The following PHC3 variants were observed in gnomAD, a reference collection of about 807,000 sequenced individuals.
PHC3 encodes the protein polyhomeotic-like protein 3.
Under a neutral mutation model 107.4 loss-of-function variants are expected in PHC3, and 13 were observed. The observed-to-expected ratio is 0.12, with a 90% CI of 0.08 to 0.19. The LOEUF is 0.19. Ranked by LOEUF, PHC3 falls within the 10% of genes least tolerant of loss-of-function variation. PHC3 has a pLI of 1.00. For synonymous variants in PHC3, 456 were observed against 427.4 expected, an observed-to-expected ratio of 1.07 and a Z score of -0.83; for missense variants, 992 against 1,210.9, an observed-to-expected ratio of 0.82 and a Z score of 2.68.
At chr3:170,154,877 C>T (rs1173760574) in intron 4 of PHC3, among the ~76,000 whole-genome samples, 2 of 152,180 alleles carry the variant, frequency 1.3e-5, no homozygotes, top group Admixed American at 6.5e-5. Context: ...ACTGATAAGG[C>T]TCTCCTTTTT....
intron 4 of PHC3, chr3:170,171,120 T>A: frequency 2.0e-6 from 1 of 501,232 alleles, no homozygotes; most frequent in South Asian, 3.4e-5. Flanking sequence ...TGAAACCACA[T>A]AAGATCTGAA....
intron 4 of PHC3, among the ~76,000 whole-genome samples, chr3:170,165,913 G>A (rs1728675028): frequency 6.7e-6 from 1 of 149,534 alleles, no homozygotes; most frequent in Non-Finnish European, 1.5e-5. Flanking sequence ...GGCCGGCCTG[G>A]ACAACACAGT....
chr3:170,125,187 T>C (rs1721048390), intron 8 of PHC3, among the ~76,000 whole-genome samples: 1 of 152,144 alleles, frequency 6.6e-6, no homozygotes, highest in African/African-American at 2.4e-5. Flanking sequence ...AAAGCAGTCA[T>C]TTGTTATTGT....
Position 170,129,483 on chromosome 3 carries a change from G to A in PHC3, c.989C>T (p.Ser330Phe). 6.2e-7 allele frequency: 1 copy of A among 1,613,842 alleles called. No individual in the cohort carries two copies. The highest frequency in any genetic ancestry group is 1.1e-5 in the South Asian group (1 of 91,084). Reference sequence around the variant, plus strand: ...TATCAGCTGATGATGGGAAACTTTGGAAGGTGGTGAATGAAGAGGAATCTG... The same window carrying A: ...TATCAGCTGATGATGGGAAACTTTGAAAGGTGGTGAATGAAGAGGAATCTG... ...HQQIPLHSPP[S>F]KVSHHQLILQ... The change falls in exon 8 of 15, where the codon TCC becomes TTC. Residue 330 changes from serine (S) to phenylalanine (F), a missense_variant. Coordinates refer to ENST00000495893, the MANE Select transcript of PHC3 (RefSeq NM_024947.4).
chr3:170,092,450 A>G lies in PHC3; in HGVS notation c.*4780T>C, dbSNP rs1247345181. 3.9e-5 allele frequency: 6 copies of G among 152,216 alleles called. 1 individual carries two copies. Among genetic ancestry groups the G allele is most frequent in the African/African-American group, 1.2e-4 (5 of 41,448 alleles). 9.4% of individuals were successfully genotyped at this position (152,216 alleles called of 1,614,324 possible). A position where few individuals can be genotyped will look rare whatever the true frequency, so the allele number is the denominator to read the frequency against. ...AATGCTCCAAGTAGATTTGTAAAATACCAATATTGATGAATGTGGGTAAAC... is the reference window on the plus strand; with the variant it reads ...AATGCTCCAAGTAGATTTGTAAAATGCCAATATTGATGAATGTGGGTAAAC... On this transcript the variant is annotated 3_prime_UTR_variant, in exon 15 of 15. Coordinates refer to ENST00000495893, the MANE Select transcript of PHC3 (RefSeq NM_024947.4).
At chr3:170,171,328 T>C in intron 4 of PHC3, 45 bp downstream of exon 4, 2 of 1,356,120 alleles carry the variant, frequency 1.5e-6, no homozygotes, top group South Asian at 2.7e-5. Flanking sequence ...GGAAAACAAT[T>C]CTTTAAAATT....
At chr3:170,157,058 A>C (rs1007233303) in intron 4 of PHC3, among the ~76,000 whole-genome samples, 1 of 152,254 alleles carries the variant, frequency 6.6e-6, no homozygotes, top group Admixed American at 6.5e-5. Flanking sequence ...CCTAGAAAGA[A>C]AACTTGCAAT....
rs529094659 is a variant in PHC3, at chr3:170,169,062, T to A, written c.414+2311A>T. ...AACACTCCTCCTTTGAATGTCATGT[T>A]GGTGTGCAAAAATTTCAGATTTTAG... On this transcript the variant is annotated intron_variant, in intron 4 of 14. Transcript: ENST00000495893. Among the ~76,000 whole-genome samples the A allele has an allele frequency of 8.0e-3, 1,213 of 152,260 alleles. 7 individuals are homozygous for A. The highest frequency in any genetic ancestry group is 0.012 in the Non-Finnish European group (839 of 68,012).
intron 11 of PHC3, among the ~76,000 whole-genome samples, chr3:170,110,187 G>A (rs776766054): frequency 5.9e-5 from 9 of 151,910 alleles, no homozygotes; most frequent in South Asian, 2.1e-4. Context: ...TCCTACAGAC[G>A]GCCATCAAAG....
chr3:170,135,319 T>A (rs1018201345), intron 7 of PHC3, among the ~76,000 whole-genome samples: 1 of 152,044 alleles, frequency 6.6e-6, no homozygotes, highest in African/African-American at 2.4e-5. Context: ...CCCTGCTAAT[T>A]TTTGTATTTT....
chr3:170,119,830 T>TA (rs577407226), intron 9 of PHC3, among the ~76,000 whole-genome samples: 21,823 of 144,406 alleles, frequency 0.15, 1,597 homozygotes, highest in African/African-American at 0.19. Context: ...TGAGTTACTG[T>TA]AAAAAAAAAA....
Position 170,129,474 on chromosome 3 carries a change from G to C in PHC3, c.998C>G (p.Ser333Cys). The change falls in exon 8 of 15, where the codon TCC becomes TGC. Residue 333 changes from serine to cysteine, a missense_variant. Physicochemically the swap from Ser to Cys is moderately radical, Grantham distance 112 (BLOSUM62 -1). Coordinates refer to ENST00000495893, the MANE Select transcript of PHC3 (RefSeq NM_024947.4). ...CTGTTGTAATATCAGCTGATGATGG[G>C]AAACTTTGGAAGGTGGTGAATGAAG... Reference protein sequence around the residue: ...IPLHSPPSKVSHHQLILQQQQ... With the variant: ...IPLHSPPSKVCHHQLILQQQQ... 6.2e-7 allele frequency: 1 copy of C among 1,613,874 alleles called. No individual in the cohort carries two copies. The highest frequency in any genetic ancestry group is 8.5e-7 in the Non-Finnish European group (1 of 1,179,844).
chr3:170,181,693 GTCAC>G lies in PHC3; in HGVS notation c.14+5_14+8del, dbSNP rs1731475177. 1 of 1,613,328 alleles carries G rather than the reference GTCAC, an allele frequency of 6.2e-7. No homozygotes were observed. Among genetic ancestry groups the G allele is most frequent in the East Asian group, 2.2e-5 (1 of 44,828 alleles). On this transcript the variant is annotated splice_donor_5th_base_variant and intron_variant, in intron 1 of 14. Transcript: ENST00000495893. ...TAGTTACGACATCAGTCACCATCTAGTCACTCACTCCGCTTCCGCCATCTTCTCT... is the reference window on the plus strand; with the variant it reads ...TAGTTACGACATCAGTCACCATCTAGTCACTCCGCTTCCGCCATCTTCTCT...
intron 4 of PHC3, chr3:170,150,777 G>A (rs1032123897): frequency 2.6e-6 from 1 of 378,382 alleles, no homozygotes. Context: ...CTAGAAGGAT[G>A]CGTAAGAAAC....
At chr3:170,127,103 C>G (rs1012999811) in intron 8 of PHC3, among the ~76,000 whole-genome samples, 4 of 152,048 alleles carry the variant, frequency 2.6e-5, no homozygotes, top group African/African-American at 4.8e-5. Flanking sequence ...GTTTTTGTTA[C>G]AATATCCATA....
intron 4 of PHC3, among the ~76,000 whole-genome samples, chr3:170,149,575 C>T (rs1315729995): frequency 1.3e-5 from 2 of 152,104 alleles, no homozygotes; most frequent in African/African-American, 4.8e-5. Context: ...CTGCCTAAGC[C>T]TCCCAAGTAG....
rs192583565 is a variant in PHC3 at position 170,129,889 on chromosome 3, G to A, written c.920-337C>T. Among the ~76,000 whole-genome samples the A allele has an allele frequency of 3.6e-3, 548 of 152,162 alleles. 4 individuals are homozygous for A. The highest frequency in any genetic ancestry group is 0.013 in the African/African-American group (519 of 41,514). On this transcript the variant is annotated intron_variant, in intron 7 of 14. Transcript: ENST00000495893. ...TAACTTCTGTATTTTTAGTAGAGAC[G>A]GGGTTTCACCACGTTGGCCAGGCTG...
intron 4 of PHC3, among the ~76,000 whole-genome samples, chr3:170,158,799 C>T (rs1021960908): frequency 5.3e-5 from 8 of 150,796 alleles, no homozygotes; most frequent in Non-Finnish European, 1.2e-4. Context: ...TGGTGGCACA[C>T]GACTATAATC....
rs1279247164 is a variant in PHC3 at position 170,095,139 on chromosome 3, CAAG to C, written c.*2088_*2090del. ...AGCCTGTATTTGTGTTCTGAAATTC[CAAG>C]AAGAGGGAAAAGTCAAGCATATGAC... On this transcript the variant is annotated 3_prime_UTR_variant, in exon 15 of 15. Transcript: ENST00000495893. 2.6e-5 allele frequency: 4 copies of C among 151,996 alleles called. No homozygotes were observed. The highest frequency in any genetic ancestry group is 5.9e-5 in the Non-Finnish European group (4 of 67,992). The allele number at this position is 151,996 out of a possible 1,614,324, so 9.4% of individuals were successfully genotyped here.
Sources: allele counts gnomAD v4.1 joint callset (sites outside exome capture counted in the v4.1 genomes callset), GRCh38; gene constraint gnomAD v4.1.1; transcripts MANE v1.5; gene names NCBI Gene and HGNC (gene_info 2026-07-23, HGNC 2026-07-21).